Variants in ARHGAP19 observed in about 807,000 individuals in gnomAD.
ARHGAP19 encodes Rho GTPase activating protein 19, also known as rho GTPase-activating protein 19.
ARHGAP19 carries 48 observed loss-of-function variants against 60.9 expected under a neutral mutation model. That is an observed-to-expected ratio of 0.79 (90% confidence interval 0.62 to 1.00). ARHGAP19 has a LOEUF of 1.00. Ranked by LOEUF, ARHGAP19 falls within the 50% of genes least tolerant of loss-of-function variation. The pLI is 0.00. For missense variants in ARHGAP19, 562 were observed against 597.2 expected, an observed-to-expected ratio of 0.94 and a Z score of 0.61; for synonymous variants, 209 against 215.5, an observed-to-expected ratio of 0.97 and a Z score of 0.27.
intron 7 of ARHGAP19, among the ~76,000 whole-genome samples, chr10:97,244,393 G>A (rs1237383943): frequency 2.6e-5 from 4 of 151,986 alleles, no homozygotes; most frequent in Non-Finnish European, 5.9e-5. Flanking sequence ...TTGGAATACT[G>A]CCACCAAGAG....
chr10:97,288,939 C>T (rs1276982451), intron 1 of ARHGAP19, among the ~76,000 whole-genome samples: 5 of 150,896 alleles, frequency 3.3e-5, no homozygotes, highest in East Asian at 4.0e-4. Flanking sequence ...CTCAGCCTCC[C>T]GAGTAGCTGG....
At chr10:97,256,638 C>T (rs1842756216) in intron 5 of ARHGAP19, 1 of 364,476 alleles carries the variant, frequency 2.7e-6, no homozygotes, top group Admixed American at 4.5e-5. Context: ...TTTCCTAATT[C>T]TGCTTGAAAA....
At position 97,262,370 on chromosome 10, in the gene ARHGAP19, A is replaced by C. The variant is rs546637210; in HGVS notation, c.613+1050T>G. ...AGAAAACAAATAATAATTTTTAAAA[A>C]AAATAAATTTCCTTGGCTGGGCACA... On this transcript the variant is annotated intron_variant, in intron 4 of 11. Transcript: ENST00000358531. 3.9e-5 allele frequency among the ~76,000 whole-genome samples: 6 copies of C among 152,222 alleles called. No homozygotes were observed. The South Asian group carries it at 1.2e-3, about 32-fold the overall frequency.
chr10:97,262,557 C>T lies in ARHGAP19; in HGVS notation c.613+863G>A, dbSNP rs549044088. ...GCGCGTGCCTGTAGTCCCAGCTACTCGGGAGGCTGAGGCAGGAGAATCACT... is the reference window on the plus strand; with the variant it reads ...GCGCGTGCCTGTAGTCCCAGCTACTTGGGAGGCTGAGGCAGGAGAATCACT... On this transcript the variant is annotated intron_variant, in intron 4 of 11. Coordinates refer to ENST00000358531, the MANE Select transcript of ARHGAP19 (RefSeq NM_032900.6). Among the ~76,000 whole-genome samples the T allele has an allele frequency of 1.1e-3, 173 of 151,944 alleles. 1 individual carries two copies. The highest frequency in any genetic ancestry group is 5.6e-3 in the South Asian group (27 of 4,798).
chr10:97,232,078 G>A (rs1851030698), intron 9 of ARHGAP19, among the ~76,000 whole-genome samples: 1 of 137,902 alleles, frequency 7.3e-6, no homozygotes, highest in East Asian at 2.3e-4. Flanking sequence ...TAGTGATGTT[G>A]AACATCTTTT....
chr10:97,255,658 C>T (rs1842743696), intron 6 of ARHGAP19, among the ~76,000 whole-genome samples: 1 of 152,240 alleles, frequency 6.6e-6, no homozygotes, highest in Non-Finnish European at 1.5e-5. Context: ...GACTGTGCTA[C>T]GTTTTGCTAA....
In ARHGAP19 at chr10:97,243,957, C is replaced by G; in HGVS notation, c.1185+11G>C. The G allele has an allele frequency of 6.3e-7, 1 of 1,594,776 alleles. No homozygotes were observed. Among genetic ancestry groups the G allele is most frequent in the Non-Finnish European group, 8.5e-7 (1 of 1,169,792 alleles). On this transcript the variant is annotated intron_variant, in intron 8 of 11. Transcript: ENST00000358531. ...CTAAAGCCCCATCACAACTTCCCTGCCTTTAGGCACCTGTCTAATAAGTTG... is the reference window on the plus strand; with the variant it reads ...CTAAAGCCCCATCACAACTTCCCTGGCTTTAGGCACCTGTCTAATAAGTTG...
In ARHGAP19 at chr10:97,222,596, T is replaced by C. The variant is rs889794125; in HGVS notation, c.*3526A>G. Reference sequence around the variant, plus strand: ...CTCGGCATTAGCTGTCTGGGGAAGCTAACTTCCTACAGTGGGTTTTAGTTG... The same window carrying C: ...CTCGGCATTAGCTGTCTGGGGAAGCCAACTTCCTACAGTGGGTTTTAGTTG... On this transcript the variant is annotated 3_prime_UTR_variant, in exon 12 of 12. Coordinates refer to ENST00000358531, the MANE Select transcript of ARHGAP19 (RefSeq NM_032900.6). 1 of 152,132 alleles carries C rather than the reference T, an allele frequency of 6.6e-6. No individual in the cohort carries two copies. Among genetic ancestry groups the C allele is most frequent in the African/African-American group, 2.4e-5 (1 of 41,398 alleles). 9.4% of individuals were successfully genotyped at this position (152,132 alleles called of 1,614,324 possible). A position where few individuals can be genotyped will look rare whatever the true frequency, so the allele number is the denominator to read the frequency against.
Position 97,225,305 on chromosome 10 carries a change from A to AG in ARHGAP19, c.*816dup, listed in dbSNP as rs1419851001. The AG allele has an allele frequency of 2.0e-5, 3 of 152,248 alleles. No individual in the cohort carries two copies. The highest frequency in any genetic ancestry group is 7.2e-5 in the African/African-American group (3 of 41,464). The allele number at this position is 152,248 out of a possible 1,614,324, so 9.4% of individuals were successfully genotyped here. A position where few individuals can be genotyped will look rare whatever the true frequency, so the allele number is the denominator to read the frequency against. On this transcript the variant is annotated 3_prime_UTR_variant, in exon 12 of 12. Transcript: ENST00000358531. ...AAGAGGAAATTGAATGAAGATAACAAGTTCAGCAAAACACAATTATTTTCA... is the reference window on the plus strand; with the variant it reads ...AAGAGGAAATTGAATGAAGATAACAAGGTTCAGCAAAACACAATTATTTTCA...
At position 97,259,612 on chromosome 10, in the gene ARHGAP19, A is replaced by G. The variant is rs1345477814; in HGVS notation, c.630T>C (p.Asp210=). 1 of 1,614,000 alleles carries G rather than the reference A, an allele frequency of 6.2e-7. No individual in the cohort carries two copies. Among genetic ancestry groups the G allele is most frequent in the Non-Finnish European group, 8.5e-7 (1 of 1,179,880 alleles). ...HLKIADLMQF[D]DKGNKTNIPD... ...GTATATTGGTCTTGTTTCCTTTATCATCAAACTGCATCAAATCTTGAGGAC... is the reference window on the plus strand; with the variant it reads ...GTATATTGGTCTTGTTTCCTTTATCGTCAAACTGCATCAAATCTTGAGGAC... The change falls in exon 5 of 12, where the codon GAT becomes GAC. Residue 210 remains aspartate, a synonymous_variant. Transcript: ENST00000358531.
At chr10:97,273,484 CTTTTT>C (rs11442502) in intron 1 of ARHGAP19, among the ~76,000 whole-genome samples, 2 of 92,496 alleles carry the variant, frequency 2.2e-5, no homozygotes, top group Non-Finnish European at 4.0e-5. Flanking sequence ...TTTCTGCTCT[CTTTTT>C]TTTTTTTTTT....
At chr10:97,260,676 T>C (rs1290049472) in intron 4 of ARHGAP19, among the ~76,000 whole-genome samples, 3 of 152,176 alleles carry the variant, frequency 2.0e-5, no homozygotes. Context: ...TAAACCCTCC[T>C]ATATTGCTGG....
intron 2 of ARHGAP19, chr10:97,265,475 G>A (rs778580904): frequency 4.6e-4 from 91 of 196,986 alleles, no homozygotes; most frequent in Non-Finnish European, 7.6e-4. Flanking sequence ...CTCCAGCATC[G>A]GCAACAAAGT....
chr10:97,258,965 C>T (rs1420913722), intron 5 of ARHGAP19, among the ~76,000 whole-genome samples: 1 of 152,180 alleles, frequency 6.6e-6, no homozygotes, highest in Non-Finnish European at 1.5e-5. Flanking sequence ...GGCAGGATTG[C>T]TCCAAGTGTC....
intron 9 of ARHGAP19, among the ~76,000 whole-genome samples, chr10:97,231,395 C>T (rs1290542228): frequency 1.3e-5 from 2 of 152,080 alleles, no homozygotes; most frequent in Admixed American, 1.3e-4. Context: ...CCATCACCAT[C>T]ATCTATCTTC....
intron 6 of ARHGAP19, among the ~76,000 whole-genome samples, chr10:97,251,133 G>GGA: frequency 8.4e-6 from 1 of 118,920 alleles, no homozygotes; most frequent in Non-Finnish European, 1.7e-5. Context: ...AAGGGGAAGG[G>GGA]AAGGGAAGAG....
At chr10:97,262,927 ACGGCGAAACCC>A (rs1226567818) in intron 4 of ARHGAP19, among the ~76,000 whole-genome samples, 2 of 152,104 alleles carry the variant, frequency 1.3e-5, no homozygotes, top group African/African-American at 4.8e-5. Flanking sequence ...TCTGGGCAAC[ACGGCGAAACCC>A]CATGTCTACA....
intron 8 of ARHGAP19, among the ~76,000 whole-genome samples, chr10:97,237,578 G>A (rs564381150): frequency 2.0e-4 from 30 of 152,206 alleles, no homozygotes; most frequent in African/African-American, 6.5e-4. Flanking sequence ...TCTTGATAAT[G>A]ATAATAAATG....
Position 97,229,178 on chromosome 10 carries a change from C to T in ARHGAP19, c.1443G>A (p.Lys481=). The T allele has an allele frequency of 6.2e-7, 1 of 1,614,158 alleles. No individual in the cohort carries two copies. The highest frequency in any genetic ancestry group is 8.5e-7 in the Non-Finnish European group (1 of 1,180,000). The change falls in exon 11 of 12, where the codon AAG becomes AAA. Residue 481 remains lysine, a synonymous_variant. Coordinates refer to ENST00000358531, the MANE Select transcript of ARHGAP19 (RefSeq NM_032900.6). ...PAVTMTPTRL[K]WSEGKKEGKK... ...TCCCCTCTTTCTTCCCTTCAGACCA[C>T]TTCAATCTTGTTGGTGTCATCGTGA...
Sources: allele counts gnomAD v4.1 joint callset (sites outside exome capture counted in the v4.1 genomes callset), GRCh38; gene constraint gnomAD v4.1.1; transcripts MANE v1.5; gene names NCBI Gene and HGNC (gene_info 2026-07-23, HGNC 2026-07-21).